The following TMEM163 variants were observed in gnomAD, a reference collection of about 807,000 sequenced individuals.
TMEM163 encodes transmembrane protein 163.
Under a neutral mutation model 29.3 loss-of-function variants are expected in TMEM163, and 17 were observed. That is an observed-to-expected ratio of 0.58 (90% CI 0.40 to 0.87). The LOEUF is 0.87. Among genes scored for constraint, TMEM163 ranks in the 40% least tolerant of loss-of-function variants. TMEM163 has a pLI of 0.00. For missense variants in TMEM163, 303 were observed against 381.5 expected (o/e 0.79, Z 1.71); for synonymous variants, 157 against 160.6 (o/e 0.98, Z 0.17).
At chr2:134,537,203 ATCCCTATGTGGG>A (rs1411131821) in intron 4 of TMEM163, among the ~76,000 whole-genome samples, 1 of 152,194 alleles carries the variant, frequency 6.6e-6, no homozygotes, top group Admixed American at 6.5e-5. Context: ...AAGGCCCAGG[ATCCCTATGTGGG>A]TCTACCTGCG....
At chr2:134,490,198 T>C (rs530767291) in intron 5 of TMEM163, among the ~76,000 whole-genome samples, 3 of 152,236 alleles carry the variant, frequency 2.0e-5, no homozygotes, top group South Asian at 4.2e-4. Flanking sequence ...TGGGTGATGT[T>C]TGGGGCATTC....
intron 2 of TMEM163, among the ~76,000 whole-genome samples, chr2:134,599,432 G>T (rs1682173467): frequency 6.6e-6 from 1 of 152,102 alleles, no homozygotes. Flanking sequence ...TGGGATTAGT[G>T]CCCAGAGGTC....
At chr2:134,524,488 C>T (rs1466063749) in intron 4 of TMEM163, among the ~76,000 whole-genome samples, 1 of 149,932 alleles carries the variant, frequency 6.7e-6, no homozygotes, top group African/African-American at 2.5e-5. Context: ...GGTATTAAGC[C>T]CCACATGCAT....
intron 2 of TMEM163, among the ~76,000 whole-genome samples, chr2:134,641,941 C>T (rs1024772567): frequency 6.6e-6 from 1 of 152,016 alleles, no homozygotes; most frequent in African/African-American, 2.4e-5. Context: ...ATATTAATAT[C>T]AGACAAAGTA....
At chr2:134,657,143 C>T (rs1235987825) in intron 2 of TMEM163, among the ~76,000 whole-genome samples, 2 of 152,112 alleles carry the variant, frequency 1.3e-5, no homozygotes, top group South Asian at 2.1e-4. Context: ...CTCAATTTTT[C>T]GGAATACTTT....
intron 5 of TMEM163, among the ~76,000 whole-genome samples, chr2:134,497,521 G>A (rs1679598202): frequency 6.6e-6 from 1 of 152,184 alleles, no homozygotes; most frequent in South Asian, 2.1e-4. Context: ...GCTGGTCATT[G>A]ATCAGGACAC....
At chr2:134,664,976 G>A (rs1457993388) in intron 2 of TMEM163, among the ~76,000 whole-genome samples, 2 of 152,008 alleles carry the variant, frequency 1.3e-5, no homozygotes, top group East Asian at 1.9e-4. Context: ...CGGCTCAAGC[G>A]ATCCTCCCAC....
chr2:134,519,379 G>C (rs608997), intron 4 of TMEM163, among the ~76,000 whole-genome samples: 84,309 of 151,942 alleles, frequency 0.55, 24,392 homozygotes, highest in East Asian at 0.82. Flanking sequence ...CAAATGAGCA[G>C]AGTGGACAAA....
chr2:134,641,450 C>T (rs1683217534), intron 2 of TMEM163, among the ~76,000 whole-genome samples: 1 of 152,082 alleles, frequency 6.6e-6, no homozygotes, highest in African/African-American at 2.4e-5. Flanking sequence ...CTTAAAATAG[C>T]ATAGAAAGCA....
At position 134,551,177 on chromosome 2, in the gene TMEM163, G is replaced by C. The variant is rs191528824; in HGVS notation, c.367-516C>G. Reference sequence around the variant, plus strand: ...TGAGAGAGCATGAATGCACAAGCAAGCTAGAGAGAATGACAGAGAAAAATG... The same window carrying C: ...TGAGAGAGCATGAATGCACAAGCAACCTAGAGAGAATGACAGAGAAAAATG... On this transcript the variant is annotated intron_variant, in intron 3 of 7. Coordinates refer to ENST00000281924, the MANE Select transcript of TMEM163 (RefSeq NM_030923.5). Among the ~76,000 whole-genome samples, 6 of 152,226 alleles carry C rather than the reference G, an allele frequency of 3.9e-5. No individual in the cohort carries two copies. The East Asian group carries it at 7.7e-4, about 20-fold the overall frequency.
intron 2 of TMEM163, among the ~76,000 whole-genome samples, chr2:134,602,475 C>T (rs1682256912): frequency 6.6e-6 from 1 of 152,088 alleles, no homozygotes; most frequent in Non-Finnish European, 1.5e-5. Context: ...CTGCCTAGCC[C>T]CAGTTAGGAA....
chr2:134,520,661 G>A (rs1277607795), intron 4 of TMEM163, among the ~76,000 whole-genome samples: 4 of 152,196 alleles, frequency 2.6e-5, no homozygotes, highest in Admixed American at 1.3e-4. Flanking sequence ...AGGGTCTATA[G>A]CTCACCCCAT....
chr2:134,686,893 C>T (rs888607913), intron 2 of TMEM163, among the ~76,000 whole-genome samples: 11 of 152,148 alleles, frequency 7.2e-5, no homozygotes, highest in African/African-American at 2.7e-4. Flanking sequence ...TCCTAAGTCC[C>T]CATTCCCCTG....
At chr2:134,529,887 G>A (rs1175448355) in intron 4 of TMEM163, among the ~76,000 whole-genome samples, 1 of 151,688 alleles carries the variant, frequency 6.6e-6, no homozygotes, top group Non-Finnish European at 1.5e-5. Context: ...GGAAAGTTTC[G>A]AGTAACCAAG....
chr2:134,674,225 CT>C (rs1684055122), intron 2 of TMEM163, among the ~76,000 whole-genome samples: 1 of 152,036 alleles, frequency 6.6e-6, no homozygotes, highest in Non-Finnish European at 1.5e-5. Context: ...TCTAACCTGC[CT>C]TTTGCACTTA....
At chr2:134,673,245 A>G (rs374750866) in intron 2 of TMEM163, among the ~76,000 whole-genome samples, 2 of 152,068 alleles carry the variant, frequency 1.3e-5, no homozygotes, top group Middle Eastern at 3.2e-3. Context: ...ATGAGCTCGC[A>G]TTGGCACGTG....
chr2:134,531,215 C>T lies in TMEM163; in HGVS notation c.458+19355G>A, dbSNP rs568921643. 5.3e-5 allele frequency among the ~76,000 whole-genome samples: 8 copies of T among 152,244 alleles called. No homozygotes were observed. In the East Asian group the frequency reaches 1.2e-3, roughly 22 times the overall value. On this transcript the variant is annotated intron_variant, in intron 4 of 7. Coordinates refer to ENST00000281924, the MANE Select transcript of TMEM163 (RefSeq NM_030923.5). ...GCAGAAAGAGGCAGTGGACAGAGGC[C>T]GACGAAGGCGAGGTGGTGTGTGGGT...
chr2:134,523,690 A>C (rs1680234054), intron 4 of TMEM163, among the ~76,000 whole-genome samples: 1 of 152,174 alleles, frequency 6.6e-6, no homozygotes, highest in South Asian at 2.1e-4. Flanking sequence ...GAGGTAGACA[A>C]GTGGTTTTTC....
chr2:134,472,390 G>T (rs1044718494), intron 5 of TMEM163, among the ~76,000 whole-genome samples: 4 of 152,124 alleles, frequency 2.6e-5, no homozygotes, highest in Admixed American at 1.3e-4. Context: ...TATGAAAAAG[G>T]CTCAAATGCT....
Sources: gnomAD v4.1 joint callset for allele counts (sites outside exome capture counted in the v4.1 genomes callset) on GRCh38, gnomAD v4.1.1 for gene constraint, MANE v1.5 for transcripts, NCBI Gene and HGNC (gene_info 2026-07-23, HGNC 2026-07-21) for gene names.